DLGAP2: variants seen among roughly 807,000 people sequenced by gnomAD.
DLGAP2 encodes DLG associated protein 2.
DLGAP2 carries 26 observed loss-of-function variants against 100.3 expected under a neutral mutation model. That is an observed-to-expected ratio of 0.26 (90% CI 0.19 to 0.36). The LOEUF is 0.36. Ranked by LOEUF, DLGAP2 falls within the 10% of genes least tolerant of loss-of-function variation. The pLI is 1.00. For missense variants in DLGAP2, 1,858 were observed against 1,453.2 expected, an observed-to-expected ratio of 1.28 and a Z score of -4.53; for synonymous variants, 886 against 630.1, an observed-to-expected ratio of 1.41 and a Z score of -6.08.
At chr8:839,836 G>C (rs1796948131) in intron 1 of DLGAP2, among the ~76,000 whole-genome samples, 1 of 152,190 alleles carries the variant, frequency 6.6e-6, no homozygotes, top group African/African-American at 2.4e-5. Context: ...TGCCTTTTAG[G>C]TCTCTTTTGA....
rs539985261 is a variant in DLGAP2, at chr8:847,804, T to C, written c.19-60108T>C. 4.6e-5 allele frequency among the ~76,000 whole-genome samples: 7 copies of C among 152,316 alleles called. No individual in the cohort carries two copies. In the East Asian group the frequency reaches 1.3e-3, roughly 29 times the overall value. On this transcript the variant is annotated intron_variant, in intron 1 of 14. Transcript: ENST00000637795. ...TTACACAGGCTTGAGTCACTGCGCC[T>C]GGCCTTTGACTGTGGACTTTTTCCT...
chr8:1,694,183 T>C (rs1157915322), intron 13 of DLGAP2, among the ~76,000 whole-genome samples: 1 of 152,188 alleles, frequency 6.6e-6, no homozygotes, highest in African/African-American at 2.4e-5. Flanking sequence ...CTATTCAGGA[T>C]TAGTAGAAAA....
intron 3 of DLGAP2, among the ~76,000 whole-genome samples, chr8:1,494,726 T>A (rs949197173): frequency 1.4e-5 from 2 of 145,642 alleles, no homozygotes; most frequent in Non-Finnish European, 3.0e-5. Context: ...AGACTCCATC[T>A]AAAAAAAAAA....
At position 1,104,603 on chromosome 8, in the gene DLGAP2, C is replaced by G. The variant is rs574364930; in HGVS notation, c.74-154248C>G. Among the ~76,000 whole-genome samples, 10 of 152,294 alleles carry G rather than the reference C, an allele frequency of 6.6e-5. No homozygotes were observed. The South Asian group carries it at 2.1e-3, about 32-fold the overall frequency. On this transcript the variant is annotated intron_variant, in intron 2 of 14. Transcript: ENST00000637795. ...AGCCTGGCCGAGGCGTTTGCTGACT[C>G]TGTCTCATTTAATCCTTGGGCTGCT...
chr8:1,600,945 G>C (rs1796605021), intron 6 of DLGAP2, among the ~76,000 whole-genome samples: 1 of 152,208 alleles, frequency 6.6e-6, no homozygotes, highest in African/African-American at 2.4e-5. Context: ...TGGAGGAGAA[G>C]AGGCTTTCTG....
At chr8:937,365 C>T (rs935566856) in intron 2 of DLGAP2, among the ~76,000 whole-genome samples, 25 of 152,274 alleles carry the variant, frequency 1.6e-4, no homozygotes, top group African/African-American at 4.8e-4. Flanking sequence ...GTTTTAAAAT[C>T]GGATCTAATT....
intron 2 of DLGAP2, among the ~76,000 whole-genome samples, chr8:1,040,348 G>C (rs375154704): frequency 1.3e-5 from 2 of 148,988 alleles, no homozygotes; most frequent in African/African-American, 5.0e-5. Flanking sequence ...CGGTGTGCGT[G>C]GTCGGCTCAG....
At chr8:1,321,759 T>G (rs1800906937) in intron 3 of DLGAP2, among the ~76,000 whole-genome samples, 2 of 152,226 alleles carry the variant, frequency 1.3e-5, no homozygotes, top group Admixed American at 1.3e-4. Flanking sequence ...TTCTCTGACT[T>G]TAGAATTCTA....
rs1312258872 is a variant in DLGAP2, at chr8:1,705,086, G to A, written c.*3680G>A. On this transcript the variant is annotated 3_prime_UTR_variant, in exon 15 of 15. Coordinates refer to ENST00000637795, the MANE Select transcript of DLGAP2 (RefSeq NM_001346810.2). ...CCAGGATGGAATTTCACAGGAAAGT[G>A]AAGGGATACTGCAGGCCTGTGTTTG... is the stretch of plus-strand genomic sequence containing the variant. 2 of 152,256 alleles carry A rather than the reference G, an allele frequency of 1.3e-5. No homozygotes were observed. The highest frequency in any genetic ancestry group is 2.1e-4 in the South Asian group (1 of 4,832). 9.4% of individuals were successfully genotyped at this position (152,256 alleles called of 1,614,324 possible).
chr8:796,606 A>G (rs1385893607), intron 1 of DLGAP2, among the ~76,000 whole-genome samples: 1 of 152,236 alleles, frequency 6.6e-6, no homozygotes, highest in South Asian at 2.1e-4. Flanking sequence ...GCAGCCTCAG[A>G]GCCTAGCAGT....
intron 12 of DLGAP2, among the ~76,000 whole-genome samples, chr8:1,681,607 G>A (rs77116883): frequency 0.015 from 2,286 of 148,772 alleles, 65 homozygotes; most frequent in African/African-American, 0.052. Context: ...GCAGTGAGCC[G>A]AGATCTCACC....
chr8:863,857 C>T (rs1797440934), intron 1 of DLGAP2, among the ~76,000 whole-genome samples: 2 of 152,298 alleles, frequency 1.3e-5, no homozygotes, highest in South Asian at 4.1e-4. Flanking sequence ...CCACTACTGG[C>T]TACAACCCCA....
At chr8:1,319,995 C>T (rs1429193925) in intron 3 of DLGAP2, among the ~76,000 whole-genome samples, 1 of 152,058 alleles carries the variant, frequency 6.6e-6, no homozygotes, top group Non-Finnish European at 1.5e-5. Flanking sequence ...GAGAATAGGG[C>T]AGGAGACAAA....
chr8:1,297,472 AGACACTACAC>A (rs1563067885), intron 3 of DLGAP2, among the ~76,000 whole-genome samples: 1 of 151,756 alleles, frequency 6.6e-6, no homozygotes, highest in African/African-American at 2.4e-5. Flanking sequence ...ATGCGTGAAC[AGACACTACAC>A]GAGACAGGGA....
At chr8:769,825 C>T (rs891194968) in intron 1 of DLGAP2, among the ~76,000 whole-genome samples, 1 of 152,120 alleles carries the variant, frequency 6.6e-6, no homozygotes, top group Non-Finnish European at 1.5e-5. Context: ...CATCCACAGG[C>T]CCCTAGAGCA....
intron 2 of DLGAP2, among the ~76,000 whole-genome samples, chr8:913,108 G>C (rs994188975): frequency 2.6e-5 from 4 of 152,154 alleles, no homozygotes; most frequent in African/African-American, 9.7e-5. Flanking sequence ...ATTTATATTT[G>C]GATGTTGAGT....
chr8:916,144 T>G (rs1798589166), intron 2 of DLGAP2, among the ~76,000 whole-genome samples: 1 of 152,232 alleles, frequency 6.6e-6, no homozygotes, highest in South Asian at 2.1e-4. Context: ...CTGTAGACGC[T>G]CCGCACTCTC....
chr8:1,152,078 C>A (rs1484651371), intron 2 of DLGAP2, among the ~76,000 whole-genome samples: 1 of 152,148 alleles, frequency 6.6e-6, no homozygotes, highest in African/African-American at 2.4e-5. Flanking sequence ...TTTTAGTTTG[C>A]ATTTTTCTGT....
chr8:1,341,006 C>T (rs1396652933), intron 3 of DLGAP2, among the ~76,000 whole-genome samples: 1 of 152,162 alleles, frequency 6.6e-6, no homozygotes, highest in African/African-American at 2.4e-5. Flanking sequence ...ACTGCATGTT[C>T]TCACCTGTAA....
Sources: allele counts gnomAD v4.1 joint callset (sites outside exome capture counted in the v4.1 genomes callset), GRCh38; gene constraint gnomAD v4.1.1; transcripts MANE v1.5; gene names NCBI Gene and HGNC (gene_info 2026-07-23, HGNC 2026-07-21).